CHLSN: variants seen among roughly 807,000 people sequenced by gnomAD.
CHLSN encodes cholesin.
the CHLSN span, among the ~76,000 whole-genome samples, chr7:1,065,847 G>A: frequency 6.6e-6 from 1 of 152,254 alleles, no homozygotes; most frequent in Non-Finnish European, 1.5e-5. Flanking sequence ...GATTTCAAGT[G>A]CGGGCACTTT....
the CHLSN span, among the ~76,000 whole-genome samples, chr7:1,015,638 A>G: frequency 6.6e-6 from 1 of 152,194 alleles, no homozygotes; most frequent in East Asian, 1.9e-4. Flanking sequence ...GACCCAGGAG[A>G]GCAGGGAGGA....
chr7:1,023,170 C>T, the CHLSN span: 1 of 351,088 alleles, frequency 2.8e-6, no homozygotes, highest in Non-Finnish European at 5.7e-6. This position sits in a 1 kb window ranked among gnomAD's most constrained non-coding sequence, Gnocchi z 5.0. Context: ...TGCACAGCCA[C>T]AGGGAGACAC....
At chr7:1,136,757 C>CT in the CHLSN span, among the ~76,000 whole-genome samples, 1 of 151,658 alleles carries the variant, frequency 6.6e-6, no homozygotes, top group African/African-American at 2.4e-5. Context: ...ATCAATACCC[C>CT]TGATCACCCT....
At chr7:1,106,736 G>T in the CHLSN span, among the ~76,000 whole-genome samples, 1 of 152,238 alleles carries the variant, frequency 6.6e-6, no homozygotes, top group Non-Finnish European at 1.5e-5. Context: ...AGAAGATGCC[G>T]GTGCTGCCGG....
chr7:1,000,537 T>C, the CHLSN span: 176 of 1,607,498 alleles, frequency 1.1e-4, no homozygotes, highest in Admixed American at 8.4e-5. Context: ...CCAGTTCTTG[T>C]GCTTTTGGGC....
chr7:1,108,035 A>G, the CHLSN span, among the ~76,000 whole-genome samples: 3 of 80,480 alleles, frequency 3.7e-5, no homozygotes, highest in East Asian at 3.4e-4. Context: ...GGAGTCCCGC[A>G]CCCCGGGGGG....
At chr7:1,070,774 C>T in the CHLSN span, among the ~76,000 whole-genome samples, 5 of 149,512 alleles carry the variant, frequency 3.3e-5, no homozygotes, top group South Asian at 2.1e-4. Flanking sequence ...CACATGCACA[C>T]GCACGCACAC....
At chr7:1,046,360 C>T in the CHLSN span, among the ~76,000 whole-genome samples, 1 of 152,200 alleles carries the variant, frequency 6.6e-6, no homozygotes, top group African/African-American at 2.4e-5. Context: ...ACACGACGAT[C>T]CCACGGTGCT....
At chr7:1,068,580 G>C in the CHLSN span, among the ~76,000 whole-genome samples, 2 of 152,188 alleles carry the variant, frequency 1.3e-5, no homozygotes, top group East Asian at 1.9e-4. Context: ...AGGTCAGCAA[G>C]CTACAGAAGA....
chr7:1,119,908 C>A, the CHLSN span, among the ~76,000 whole-genome samples: 4 of 148,136 alleles, frequency 2.7e-5, no homozygotes, highest in Non-Finnish European at 4.5e-5. Flanking sequence ...GAATGCTCAA[C>A]AAAAGATTCT....
At chr7:1,028,393 GCT>G in the CHLSN span, 1 of 987,454 alleles carries the variant, frequency 1.0e-6, no homozygotes, top group South Asian at 4.6e-5. Flanking sequence ...GCCCGGCGCG[GCT>G]GGAACCAGAT....
chr7:1,004,907 C>T, the CHLSN span, among the ~76,000 whole-genome samples: 1 of 152,176 alleles, frequency 6.6e-6, no homozygotes, highest in Non-Finnish European at 1.5e-5. Context: ...TCCAGAGCTG[C>T]CTAGAGCGTC....
the CHLSN span, among the ~76,000 whole-genome samples, chr7:1,009,022 TGCACAC>T: frequency 2.7e-5 from 3 of 112,404 alleles, no homozygotes; most frequent in East Asian, 2.2e-4. Flanking sequence ...CACATACACA[TGCACAC>T]ACGTACACAC....
chr7:1,005,013 G>A, the CHLSN span, among the ~76,000 whole-genome samples: 5 of 152,210 alleles, frequency 3.3e-5, no homozygotes, highest in Middle Eastern at 3.2e-3. Flanking sequence ...AAGCAGGGGC[G>A]GCTGGGAACA....
At chr7:1,064,765 C>T in the CHLSN span, among the ~76,000 whole-genome samples, 673 of 152,254 alleles carry the variant, frequency 4.4e-3, 5 homozygotes, top group African/African-American at 0.015. Context: ...CCCATGGACA[C>T]GAGGGAGACT....
chr7:1,081,087 C>G, the CHLSN span, among the ~76,000 whole-genome samples: 19 of 152,372 alleles, frequency 1.2e-4, no homozygotes, highest in Non-Finnish European at 1.9e-4. Flanking sequence ...AGCACGCCCC[C>G]CACCCGGCAG....
chr7:1,032,929 G>C, the CHLSN span, among the ~76,000 whole-genome samples: 16 of 152,186 alleles, frequency 1.1e-4, no homozygotes, highest in Admixed American at 9.8e-4. Flanking sequence ...ACCCTGCCCG[G>C]ATACCCCCTC....
the CHLSN span, among the ~76,000 whole-genome samples, chr7:981,822 G>A: frequency 6.6e-6 from 1 of 152,142 alleles, no homozygotes; most frequent in Non-Finnish European, 1.5e-5. Context: ...GAACCCAGGA[G>A]TGTGAGACCA....
At chr7:981,126 T>G in the CHLSN span, among the ~76,000 whole-genome samples, 45 of 151,694 alleles carry the variant, frequency 3.0e-4, no homozygotes, top group African/African-American at 1.0e-3. Flanking sequence ...CAAAACCCCA[T>G]CTCTACTAAA....
Sources: gnomAD v4.1 joint callset for allele counts (sites outside exome capture counted in the v4.1 genomes callset) on GRCh38, gnomAD v4.1.1 for gene constraint, Gnocchi (gnomAD v3.1) non-coding constraint, MANE v1.5 for transcripts, NCBI Gene and HGNC (gene_info 2026-07-23, HGNC 2026-07-21) for gene names.